Variants in ACER3 observed in about 807,000 individuals in gnomAD.
ACER3 encodes the protein alkaline ceramidase 3.
A neutral mutation model predicts 48.9 loss-of-function variants in ACER3; 16 were observed. The ratio of observed to expected loss-of-function variants is 0.33; its 90% CI spans 0.22 to 0.50. The LOEUF (loss-of-function observed/expected upper bound fraction) is 0.50, where lower values mean the gene tolerates loss of function less well. Ranked by LOEUF, ACER3 falls within the 20% of genes least tolerant of loss-of-function variation. The pLI, the probability that ACER3 is intolerant of heterozygous loss-of-function variation, is 0.98. For missense variants in ACER3, 227 were observed against 326.0 expected, an observed-to-expected ratio of 0.70 and a Z score of 2.34; for synonymous variants, 109 against 107.8, an observed-to-expected ratio of 1.01 and a Z score of -0.07.
intron 7 of ACER3, among the ~76,000 whole-genome samples, chr11:77,012,377 C>T (rs774372682): frequency 5.6e-4 from 75 of 134,528 alleles, no homozygotes; most frequent in Non-Finnish European, 8.5e-4. Context: ...AAGATTGAGC[C>T]ACTGTACTCC....
chr11:76,906,572 A>G (rs970096632), intron 1 of ACER3, among the ~76,000 whole-genome samples: 2 of 152,190 alleles, frequency 1.3e-5, no homozygotes, highest in African/African-American at 2.4e-5. Context: ...TAATTTGAGT[A>G]ATAACTCTGT....
intron 2 of ACER3, among the ~76,000 whole-genome samples, 186 bp downstream of exon 2, chr11:76,926,853 A>T (rs1475444347): frequency 6.6e-6 from 1 of 152,224 alleles, no homozygotes; most frequent in Non-Finnish European, 1.5e-5. Flanking sequence ...ATGTTTTAGA[A>T]ATTACAAAAT....
intron 2 of ACER3, among the ~76,000 whole-genome samples, chr11:76,928,810 A>G (rs1051253727): frequency 6.6e-6 from 1 of 152,042 alleles, no homozygotes; most frequent in Admixed American, 6.5e-5. Context: ...GTTCTGTTCC[A>G]TTGGTCTATA....
At chr11:76,873,992 C>A (rs1239856175) in intron 1 of ACER3, among the ~76,000 whole-genome samples, 2 of 152,062 alleles carry the variant, frequency 1.3e-5, no homozygotes, top group African/African-American at 4.8e-5. Flanking sequence ...AAAAACTCAC[C>A]TGGAGAGTTT....
chr11:76,864,705 T>C (rs1406528313), intron 1 of ACER3, among the ~76,000 whole-genome samples: 1 of 148,374 alleles, frequency 6.7e-6, no homozygotes, highest in Admixed American at 6.9e-5. Flanking sequence ...GTTCAAGCAG[T>C]TCTCCTGCCT....
intron 6 of ACER3, among the ~76,000 whole-genome samples, chr11:76,997,940 A>C (rs574898973): frequency 5.3e-5 from 8 of 152,364 alleles, no homozygotes; most frequent in Non-Finnish European, 1.0e-4. Flanking sequence ...TGACTAGTTT[A>C]AGTTAGTAAT....
chr11:77,015,230 G>A (rs1949345406), intron 8 of ACER3, 113 bp downstream of exon 8: 1 of 644,352 alleles, frequency 1.6e-6, no homozygotes, highest in Non-Finnish European at 2.7e-6. Context: ...TACTATTGTT[G>A]ACATTTAAAA....
At chr11:76,900,013 G>C (rs960945663) in intron 1 of ACER3, among the ~76,000 whole-genome samples, 4 of 152,190 alleles carry the variant, frequency 2.6e-5, no homozygotes, top group Non-Finnish European at 1.5e-5. Flanking sequence ...AATAAAGTAA[G>C]TGAAAGAAAA....
chr11:76,865,847 C>T (rs559195594), intron 1 of ACER3, among the ~76,000 whole-genome samples: 1 of 147,254 alleles, frequency 6.8e-6, no homozygotes, highest in South Asian at 2.2e-4. Flanking sequence ...GACGAAGTCT[C>T]ATTCTGTCGC....
At chr11:76,963,311 A>G (rs951935039) in intron 3 of ACER3, among the ~76,000 whole-genome samples, 2 of 77,536 alleles carry the variant, frequency 2.6e-5, no homozygotes, top group Non-Finnish European at 8.0e-5. Context: ...AAGGGAAGTT[A>G]TGCATAGATA....
At chr11:76,861,386 G>A (rs1944935263) in intron 1 of ACER3, among the ~76,000 whole-genome samples, 4 of 152,024 alleles carry the variant, frequency 2.6e-5, no homozygotes. Flanking sequence ...GCCGGGTTGG[G>A]AATGGGAATT....
At chr11:77,014,691 A>C (rs2135322809) in intron 7 of ACER3, among the ~76,000 whole-genome samples, 1 of 152,330 alleles carries the variant, frequency 6.6e-6, no homozygotes, top group South Asian at 2.1e-4. Flanking sequence ...TAGTAGGCAA[A>C]TTATTAGAAA....
At chr11:76,984,739 C>A (rs141461479) in intron 4 of ACER3, among the ~76,000 whole-genome samples, 4 of 152,300 alleles carry the variant, frequency 2.6e-5, no homozygotes, top group African/African-American at 9.6e-5. Context: ...TAATAGACTA[C>A]TATTTTCTCC....
At chr11:76,940,092 C>T (rs1031789982) in intron 2 of ACER3, among the ~76,000 whole-genome samples, 3 of 152,128 alleles carry the variant, frequency 2.0e-5, no homozygotes, top group African/African-American at 7.2e-5. Context: ...CTGCAACTTA[C>T]TTTCAAATAG....
chr11:76,976,495 G>A (rs1389721444), intron 4 of ACER3, among the ~76,000 whole-genome samples, 154 bp downstream of exon 4: 2 of 152,094 alleles, frequency 1.3e-5, no homozygotes, highest in Admixed American at 6.5e-5. Flanking sequence ...TATAATTTCT[G>A]GGAAGTTACA....
intron 1 of ACER3, among the ~76,000 whole-genome samples, chr11:76,893,327 G>A (rs904828360): frequency 6.6e-6 from 1 of 151,978 alleles, no homozygotes; most frequent in African/African-American, 2.4e-5. Flanking sequence ...CTATGATCAC[G>A]CCACTCTACT....
intron 1 of ACER3, among the ~76,000 whole-genome samples, chr11:76,907,834 G>A (rs1036156927): frequency 7.2e-5 from 11 of 152,134 alleles, no homozygotes; most frequent in African/African-American, 2.4e-4. Context: ...TCATACCACT[G>A]CACTCCAGCC....
chr11:76,862,332 A>G (rs138827176), intron 1 of ACER3, among the ~76,000 whole-genome samples: 1,586 of 152,236 alleles, frequency 0.01, 10 homozygotes, highest in Non-Finnish European at 0.015. Context: ...GGACTTTAGT[A>G]CTATTCTCTT....
intron 1 of ACER3, among the ~76,000 whole-genome samples, chr11:76,861,392 G>A (rs117063835): frequency 0.024 from 3,668 of 152,188 alleles, 84 homozygotes; most frequent in Non-Finnish European, 0.039. Flanking sequence ...TTGGGAATGG[G>A]AATTCCTGCC....
Sources: gnomAD v4.1 joint callset for allele counts (sites outside exome capture counted in the v4.1 genomes callset) on GRCh38, gnomAD v4.1.1 for gene constraint, MANE v1.5 for transcripts, NCBI Gene and HGNC (gene_info 2026-07-23, HGNC 2026-07-21) for gene names.